Variants in CPNE4 observed in about 807,000 individuals in gnomAD.
CPNE4 encodes the protein copine 4, also known as copine-4.
In CPNE4, 25 loss-of-function variants were observed where a neutral mutation model predicts 67.9. That is an observed-to-expected ratio of 0.37 (90% CI 0.27 to 0.51). CPNE4 has a LOEUF of 0.51. Ranked by LOEUF, CPNE4 falls within the 20% of genes least tolerant of loss-of-function variation. The pLI is 0.93. For synonymous variants in CPNE4, 242 were observed against 244.9 expected (o/e 0.99, Z 0.11); for missense variants, 464 against 690.8 (o/e 0.67, Z 3.68).
At chr3:131,945,203 A>ACTT (rs1553810891) in intron 1 of CPNE4, among the ~76,000 whole-genome samples, 83 of 151,646 alleles carry the variant, frequency 5.5e-4, no homozygotes, top group Non-Finnish European at 1.0e-3. Flanking sequence ...GATACTTTTT[A>ACTT]CTTATTTAGT....
chr3:131,640,702 T>G (rs2079518687), intron 7 of CPNE4, among the ~76,000 whole-genome samples: 1 of 152,108 alleles, frequency 6.6e-6, no homozygotes, highest in Non-Finnish European at 1.5e-5. Flanking sequence ...GGAGCCTGCA[T>G]AGCCAAAACA....
At chr3:131,649,124 A>G (rs1438447127) in intron 7 of CPNE4, among the ~76,000 whole-genome samples, 1 of 152,352 alleles carries the variant, frequency 6.6e-6, no homozygotes, top group East Asian at 1.9e-4. Flanking sequence ...GAAAAGCAGC[A>G]GCTTTTGGTA....
intron 2 of CPNE4, among the ~76,000 whole-genome samples, chr3:131,756,074 T>C (rs2082744342): frequency 6.6e-6 from 1 of 152,078 alleles, no homozygotes; most frequent in African/African-American, 2.4e-5. Context: ...GTTTAGTCAG[T>C]GTCTATAAAG....
chr3:131,919,072 A>C (rs2070667418), intron 1 of CPNE4, among the ~76,000 whole-genome samples: 1 of 152,176 alleles, frequency 6.6e-6, no homozygotes, highest in Non-Finnish European at 1.5e-5. Flanking sequence ...TCAGAGTTCC[A>C]GCTCTAGCCT....
intron 4 of CPNE4, among the ~76,000 whole-genome samples, chr3:131,696,912 A>C (rs1221551046): frequency 6.6e-6 from 1 of 152,226 alleles, no homozygotes; most frequent in Non-Finnish European, 1.5e-5. Flanking sequence ...TCTTTCTTTA[A>C]AGGTCACATG....
intron 2 of CPNE4, among the ~76,000 whole-genome samples, chr3:131,877,661 G>GA (rs1032210216): frequency 1.1e-4 from 16 of 152,018 alleles, no homozygotes; most frequent in Non-Finnish European, 1.9e-4. Context: ...ACATAGTAAT[G>GA]AAAAAAATAT....
At chr3:131,862,053 C>T (rs1160812895) in intron 2 of CPNE4, among the ~76,000 whole-genome samples, 4 of 152,134 alleles carry the variant, frequency 2.6e-5, no homozygotes, top group African/African-American at 9.7e-5. Flanking sequence ...TACCCAGGGG[C>T]TCTTTTCTTT....
chr3:131,629,892 GTCTCTCTCTCGTTC>G (rs2107775573), intron 7 of CPNE4, among the ~76,000 whole-genome samples: 1 of 151,838 alleles, frequency 6.6e-6, no homozygotes, highest in South Asian at 2.1e-4. Flanking sequence ...TGTGAATGTG[GTCTCTCTCTCGTTC>G]TCTCTCTCTC....
chr3:131,699,354 A>ATAG (rs1395839498), intron 4 of CPNE4, among the ~76,000 whole-genome samples: 1 of 152,246 alleles, frequency 6.6e-6, no homozygotes, highest in African/African-American at 2.4e-5. Context: ...TTAATTTTAA[A>ATAG]TAGTTTTATT....
chr3:131,729,994 T>C (rs1049339057), intron 2 of CPNE4, among the ~76,000 whole-genome samples: 35 of 152,242 alleles, frequency 2.3e-4, no homozygotes, highest in Non-Finnish European at 4.1e-4. Flanking sequence ...GTTATCTTCT[T>C]CAAGCCTTAC....
rs538923941 is a variant in CPNE4, at chr3:131,914,667, A to G, written c.-1-9223T>C. ...GTCCTCATCAAACATATAATGTTCTATAATTCGTTTAAAAATAACTTGCTT... is the reference window on the plus strand; with the variant it reads ...GTCCTCATCAAACATATAATGTTCTGTAATTCGTTTAAAAATAACTTGCTT... On this transcript the variant is annotated intron_variant, in intron 1 of 15. Coordinates refer to ENST00000429747, the MANE Select transcript of CPNE4 (RefSeq NM_130808.3). Among the ~76,000 whole-genome samples, 17 of 152,320 alleles carry G rather than the reference A, an allele frequency of 1.1e-4. No individual in the cohort carries two copies. In the South Asian group the frequency reaches 2.3e-3, roughly 20 times the overall value.
In CPNE4 at chr3:131,875,576, C is replaced by T. The variant is rs552234650; in HGVS notation, c.180+29688G>A. Among the ~76,000 whole-genome samples, 866 of 151,698 alleles carry T rather than the reference C, an allele frequency of 5.7e-3. 2 individuals are homozygous for T. Among genetic ancestry groups the T allele is most frequent in the Non-Finnish European group, 8.6e-3 (583 of 67,970 alleles). ...AACCATCATTCTCAGCAAACTATCG[C>T]AAGGACAAAAAACCAAACACCGCAT... On this transcript the variant is annotated intron_variant, in intron 2 of 15. Transcript: ENST00000429747.
rs147606798 is a variant in CPNE4, at chr3:131,782,100, C to T, written c.181-58475G>A. On this transcript the variant is annotated intron_variant, in intron 2 of 15. Coordinates refer to ENST00000429747, the MANE Select transcript of CPNE4 (RefSeq NM_130808.3). ...AAATACCACTACTTTTATATTTCTG[C>T]CTTTCTTTGTTTCTTCCATTCAATA... 1.5e-3 allele frequency among the ~76,000 whole-genome samples: 231 copies of T among 152,174 alleles called. 1 individual carries two copies. The highest frequency in any genetic ancestry group is 3.5e-4 in the Non-Finnish European group (24 of 67,966).
At chr3:131,679,059 G>T (rs181543091) in intron 6 of CPNE4, among the ~76,000 whole-genome samples, 1 of 152,116 alleles carries the variant, frequency 6.6e-6, no homozygotes, top group African/African-American at 2.4e-5. Context: ...TCTGGTCCTG[G>T]GCTTTGGTTG....
intron 1 of CPNE4, among the ~76,000 whole-genome samples, chr3:132,018,998 G>T (rs2073940499): frequency 1.3e-5 from 2 of 152,140 alleles, no homozygotes; most frequent in African/African-American, 2.4e-5. Flanking sequence ...GCTTTATCAA[G>T]AACTTTTTAA....
At chr3:131,680,675 AT>A (rs768413436) in intron 6 of CPNE4, among the ~76,000 whole-genome samples, 5 of 151,892 alleles carry the variant, frequency 3.3e-5, no homozygotes, top group African/African-American at 1.2e-4. Context: ...TATTTATTTA[AT>A]TTTTTTATTT....
chr3:131,717,530 T>G (rs994821790), intron 3 of CPNE4, among the ~76,000 whole-genome samples: 7 of 152,224 alleles, frequency 4.6e-5, no homozygotes, highest in Admixed American at 2.6e-4. Flanking sequence ...TCCACAGATA[T>G]CTGCATTTAA....
intron 2 of CPNE4, among the ~76,000 whole-genome samples, chr3:131,892,094 G>A (rs1041583396): frequency 2.6e-5 from 4 of 151,980 alleles, no homozygotes; most frequent in Non-Finnish European, 4.4e-5. Flanking sequence ...CAGAGTTCAC[G>A]GGACTCCATC....
intron 2 of CPNE4, among the ~76,000 whole-genome samples, chr3:131,762,787 A>C (rs1200062939): frequency 6.6e-6 from 1 of 152,026 alleles, no homozygotes. Context: ...TATCATCATT[A>C]TTTTATAGAT....
Sources: allele counts gnomAD v4.1 joint callset (sites outside exome capture counted in the v4.1 genomes callset), GRCh38; gene constraint gnomAD v4.1.1; transcripts MANE v1.5; gene names NCBI Gene and HGNC (gene_info 2026-07-23, HGNC 2026-07-21).